ARHGAP8: variants seen among roughly 807,000 people sequenced by gnomAD.
The protein encoded by ARHGAP8 is rho GTPase-activating protein 8.
A neutral mutation model predicts 46.1 loss-of-function variants in ARHGAP8; 62 were observed. The observed-to-expected ratio is 1.34, with a 90% confidence interval of 1.10 to 1.66. The LOEUF is 1.66. Among genes scored for constraint, ARHGAP8 ranks in the 40% most tolerant of loss-of-function variants. ARHGAP8 has a pLI of 0.00. For missense variants in ARHGAP8, 923 were observed against 568.4 expected (o/e 1.62, Z -6.34); for synonymous variants, 375 against 243.1 (o/e 1.54, Z -5.05).
intron 11 of ARHGAP8, among the ~76,000 whole-genome samples, chr22:44,861,534 T>G (rs529386135): frequency 6.6e-6 from 1 of 152,298 alleles, no homozygotes; most frequent in East Asian, 1.9e-4. Context: ...GTGAGGGTGG[T>G]GCCTGGCCCT....
At chr22:44,781,679 C>T (rs11913735) in intron 1 of ARHGAP8, among the ~76,000 whole-genome samples, 3 of 79,500 alleles carry the variant, frequency 3.8e-5, no homozygotes, top group Non-Finnish European at 9.8e-5. Context: ...CGTGCCACCA[C>T]GCCCGGCTAA....
intron 10 of ARHGAP8, among the ~76,000 whole-genome samples, chr22:44,852,295 T>A (rs1305696259): frequency 6.8e-6 from 1 of 146,366 alleles, no homozygotes; most frequent in African/African-American, 2.6e-5. Flanking sequence ...TGGTGAAGAG[T>A]GGAAAGTCAT....
At chr22:44,760,714 A>G (rs1925066393) in intron 1 of ARHGAP8, among the ~76,000 whole-genome samples, 1 of 152,232 alleles carries the variant, frequency 6.6e-6, no homozygotes, top group African/African-American at 2.4e-5. Context: ...TTTTACAGCA[A>G]CAAACCATTT....
chr22:44,766,722 G>A (rs1925604854), intron 1 of ARHGAP8, among the ~76,000 whole-genome samples: 1 of 152,114 alleles, frequency 6.6e-6, no homozygotes, highest in Non-Finnish European at 1.5e-5. Context: ...CCCAGTCCTG[G>A]GCTCTGGCAA....
At chr22:44,832,601 C>T (rs1931022072) in intron 7 of ARHGAP8, among the ~76,000 whole-genome samples, 1 of 152,098 alleles carries the variant, frequency 6.6e-6, no homozygotes, top group South Asian at 2.1e-4. Context: ...ATATGTTGAT[C>T]TTGTATCATG....
At chr22:44,785,983 TCTCC>T (rs1347075844) in intron 1 of ARHGAP8, 2 of 158,818 alleles carry the variant, frequency 1.3e-5, no homozygotes, top group African/African-American at 4.8e-5. Context: ...AGCAAGTCAC[TCTCC>T]CTCTCTGAGC....
intron 1 of ARHGAP8, among the ~76,000 whole-genome samples, chr22:44,767,446 A>G (rs1402035547): frequency 6.6e-6 from 1 of 152,158 alleles, no homozygotes; most frequent in Non-Finnish European, 1.5e-5. Context: ...ATTCTCCCGT[A>G]TAGCCTGATA....
intron 7 of ARHGAP8, among the ~76,000 whole-genome samples, chr22:44,837,894 G>A (rs1302155087): frequency 2.0e-5 from 3 of 152,176 alleles, no homozygotes; most frequent in Non-Finnish European, 4.4e-5. Context: ...TCCTCTTTGG[G>A]GACCTCAGTT....
Position 44,856,254 on chromosome 22 carries a change from C to CTTTT in ARHGAP8, c.878-3445_878-3442dup, listed in dbSNP as rs557242169. Among the ~76,000 whole-genome samples the CTTTT allele has an allele frequency of 5.8e-3, 504 of 86,816 alleles. 48 individuals are homozygous for CTTTT. Among genetic ancestry groups the CTTTT allele is most frequent in the African/African-American group, 0.017 (354 of 20,566 alleles). The allele number at this position is 86,816 out of a possible 152,430, so 57.0% of individuals were successfully genotyped here. A position where few individuals can be genotyped will look rare whatever the true frequency, so the allele number is the denominator to read the frequency against. ...TACTGTCTGGCCAGCTATAAATTCC[C>CTTTT]TTTTTTTTTTTTTTTTTTTTTTTTT... On this transcript the variant is annotated intron_variant, in intron 10 of 11. Transcript: ENST00000356099.
chr22:44,812,964 G>A lies in ARHGAP8; in HGVS notation c.300-1708G>A, dbSNP rs557394544. Among the ~76,000 whole-genome samples the A allele has an allele frequency of 5.3e-5, 8 of 152,168 alleles. No individual in the cohort carries two copies. In the East Asian group the frequency reaches 7.7e-4, roughly 15 times the overall value. The stretch of plus-strand genomic sequence containing the variant: ...TCCCAAATTTGCCCATGTGGGTGCC[G>A]TTTTAAGGACTCCCAGGTCCTTCTG... On this transcript the variant is annotated intron_variant, in intron 4 of 11. Coordinates refer to ENST00000356099, the MANE Select transcript of ARHGAP8 (RefSeq NM_181335.3).
At chr22:44,857,441 C>A (rs6007329) in intron 10 of ARHGAP8, among the ~76,000 whole-genome samples, 1 of 151,998 alleles carries the variant, frequency 6.6e-6, no homozygotes, top group South Asian at 2.1e-4. Context: ...AAGACAGATT[C>A]ACAAGAGAAA....
At chr22:44,851,128 C>A (rs1230761020) in intron 10 of ARHGAP8, among the ~76,000 whole-genome samples, 2 of 152,086 alleles carry the variant, frequency 1.3e-5, no homozygotes, top group Non-Finnish European at 2.9e-5. Context: ...GAGGGAAGGA[C>A]CCAGCTCTGG....
At chr22:44,808,822 A>G (rs1185896791) in intron 4 of ARHGAP8, 1 of 307,658 alleles carries the variant, frequency 3.3e-6, no homozygotes, top group South Asian at 2.6e-5. Flanking sequence ...AAAAAAAAAA[A>G]CCAAAAACAA....
intron 2 of ARHGAP8, among the ~76,000 whole-genome samples, chr22:44,787,817 A>AC (rs1927369159): frequency 6.6e-6 from 1 of 151,422 alleles, no homozygotes; most frequent in South Asian, 2.1e-4. Context: ...ACAGTTAAAG[A>AC]CCCCAGAAAC....
intron 7 of ARHGAP8, among the ~76,000 whole-genome samples, chr22:44,836,438 C>G (rs1478608820): frequency 6.6e-6 from 1 of 151,824 alleles, no homozygotes; most frequent in African/African-American, 2.4e-5. Flanking sequence ...CAACCCTAGG[C>G]TGTGTGACTC....
intron 10 of ARHGAP8, among the ~76,000 whole-genome samples, chr22:44,856,131 A>ATC (rs1435889637): frequency 6.6e-6 from 1 of 152,104 alleles, no homozygotes; most frequent in African/African-American, 2.4e-5. Context: ...CCATGATTTA[A>ATC]TCACCCGTCA....
chr22:44,787,484 A>G (rs1214904148), intron 2 of ARHGAP8, among the ~76,000 whole-genome samples: 1 of 152,142 alleles, frequency 6.6e-6, no homozygotes, highest in Non-Finnish European at 1.5e-5. Flanking sequence ...AGCTGGGATT[A>G]CAGGCGCTCA....
In ARHGAP8 at chr22:44,786,478, C is replaced by T. The variant is rs776826082; in HGVS notation, c.-50C>T. 7 of 1,607,020 alleles carry T rather than the reference C, an allele frequency of 4.4e-6. No individual in the cohort carries two copies. Among genetic ancestry groups the T allele is most frequent in the African/African-American group, 4.0e-5 (3 of 74,822 alleles). On this transcript the variant is annotated 5_prime_UTR_variant, in exon 2 of 12. Coordinates refer to ENST00000356099, the MANE Select transcript of ARHGAP8 (RefSeq NM_181335.3). ...GCAGAGCTGCAGAGAGACAAGGCGG[C>T]GGCGGCTGCTGTGCTGGGTGCAGTG...
At chr22:44,799,064 C>A (rs909071498) in intron 2 of ARHGAP8, among the ~76,000 whole-genome samples, 1 of 152,236 alleles carries the variant, frequency 6.6e-6, no homozygotes, top group Non-Finnish European at 1.5e-5. Context: ...CCATCCCCAG[C>A]CCCCACCTGG....
Sources: gnomAD v4.1 joint callset for allele counts (sites outside exome capture counted in the v4.1 genomes callset) on GRCh38, gnomAD v4.1.1 for gene constraint, MANE v1.5 for transcripts, NCBI Gene and HGNC (gene_info 2026-07-23, HGNC 2026-07-21) for gene names.